The following TMPRSS9 variants were observed in gnomAD, a reference collection of about 807,000 sequenced individuals.
TMPRSS9 encodes transmembrane protease serine 9.
A neutral mutation model predicts 111.4 loss-of-function variants in TMPRSS9; 113 were observed. The observed-to-expected ratio is 1.01, with a 90% CI of 0.87 to 1.19. The LOEUF is 1.19. Among genes scored for constraint, TMPRSS9 ranks in the 50% most tolerant of loss-of-function variants. The pLI, the probability that TMPRSS9 is intolerant of heterozygous loss-of-function variation, is 0.00. For synonymous variants in TMPRSS9, 805 were observed against 659.1 expected (o/e 1.22, Z -3.39); for missense variants, 1,803 against 1,513.1 (o/e 1.19, Z -3.18).
At chr19:2,408,467 C>T (rs1568183384) in exon 8 of TMPRSS9, 1 of 1,613,950 alleles carries the variant, frequency 6.2e-7, no homozygotes. Flanking sequence ...ACCCCCTGTA[C>T]AACGCGGACA....
At chr19:2,425,361 C>A (rs772330216) in exon 17 of TMPRSS9, 10 of 1,513,496 alleles carry the variant, frequency 6.6e-6, no homozygotes, top group South Asian at 1.2e-5. Flanking sequence ...CCGCAGGCTC[C>A]ATGGCGCGGC....
At chr19:2,360,660 G>C (rs956707722) in intron 1 of TMPRSS9, among the ~76,000 whole-genome samples, 2 of 151,670 alleles carry the variant, frequency 1.3e-5, no homozygotes, top group African/African-American at 2.4e-5. Flanking sequence ...ACGCAGGTGC[G>C]GCGTGTAGAT....
chr19:2,381,052 A>G (rs186856461), intron 1 of TMPRSS9, among the ~76,000 whole-genome samples: 1 of 152,148 alleles, frequency 6.6e-6, no homozygotes, highest in Admixed American at 6.6e-5. Flanking sequence ...GTTTTGAGCC[A>G]TTCTTGTAGC....
intron 1 of TMPRSS9, among the ~76,000 whole-genome samples, chr19:2,373,977 A>G (rs967644043): frequency 6.6e-6 from 1 of 152,166 alleles, no homozygotes; most frequent in African/African-American, 2.4e-5. Flanking sequence ...AGTGCTTTAC[A>G]GGGAGATCTG....
At chr19:2,392,881 T>C (rs1390858892) in intron 1 of TMPRSS9, among the ~76,000 whole-genome samples, 1 of 151,484 alleles carries the variant, frequency 6.6e-6, no homozygotes, top group African/African-American at 2.4e-5. Context: ...GGTTTGCAAA[T>C]GCACCAATCG....
intron 13 of TMPRSS9, 116 bp downstream of exon 14, chr19:2,418,254 C>CCTTCCCTCCTTTTCCTTCCCTCCTGTTT (rs1568189058): frequency 9.8e-7 from 1 of 1,024,082 alleles, no homozygotes; most frequent in African/African-American, 2.7e-5. Flanking sequence ...TTCCCCCCCT[C>CCTTCCCTCCTTTTCCTTCCCTCCTGTTT]CTTCCCTCCT....
Position 2,364,001 on chromosome 19 carries a change from G to A in TMPRSS9, c.-26+3641G>A, listed in dbSNP as rs191374324. Reference sequence around the variant, plus strand: ...TAAGCCTATGAGCCCTACACCAACAGGACGCTGTTGGTATAAGCACATCTC... The same window carrying A: ...TAAGCCTATGAGCCCTACACCAACAAGACGCTGTTGGTATAAGCACATCTC... On this transcript the variant is annotated intron_variant, in intron 1 of 17. Transcript: ENST00000649857. 5.9e-5 allele frequency among the ~76,000 whole-genome samples: 9 copies of A among 152,026 alleles called. No homozygotes were observed. The East Asian group carries it at 1.7e-3, about 29-fold the overall frequency.
In TMPRSS9 at chr19:2,413,778, G is replaced by A. The variant is rs374151643; in HGVS notation, c.1333G>A (p.Gly445Arg). 2.2e-5 allele frequency: 35 copies of A among 1,613,762 alleles called. No individual in the cohort carries two copies. The African/African-American group carries it at 2.7e-4, about 12-fold the overall frequency. ...GGCTGGCATCGTGAGCTGGGGAATCGGGTGTGCGGAAGCCCGGCGTCCAGG... is the reference window on the plus strand; with the variant it reads ...GGCTGGCATCGTGAGCTGGGGAATCAGGTGTGCGGAAGCCCGGCGTCCAGG... The change falls in exon 10 of 18, where the codon GGG (glycine) becomes AGG (arginine). Residue 445 changes from glycine to arginine, a missense_variant. Physicochemically the swap from Gly to Arg is moderately radical, Grantham distance 125. Transcript: ENST00000648592.
At chr19:2,401,405 G>T (rs867639956) in intron 4 of TMPRSS9, among the ~76,000 whole-genome samples, 1 of 152,180 alleles carries the variant, frequency 6.6e-6, no homozygotes, top group Non-Finnish European at 1.5e-5. Context: ...GTGATAGGGA[G>T]GTTCCAGGCC....
At chr19:2,369,276 C>T (rs1417227818) in intron 1 of TMPRSS9, among the ~76,000 whole-genome samples, 4 of 152,122 alleles carry the variant, frequency 2.6e-5, no homozygotes, top group African/African-American at 7.2e-5. Flanking sequence ...TTTTTTTGTA[C>T]CTGGGTGAGT....
At chr19:2,377,798 G>A (rs554733886) in intron 1 of TMPRSS9, among the ~76,000 whole-genome samples, 7 of 136,750 alleles carry the variant, frequency 5.1e-5, no homozygotes, top group East Asian at 4.3e-4. Flanking sequence ...CTGCAGCCTC[G>A]ACCTTCCAGG....
intron 1 of TMPRSS9, among the ~76,000 whole-genome samples, chr19:2,384,110 G>A (rs1023554138): frequency 6.6e-6 from 1 of 152,098 alleles, no homozygotes; most frequent in Non-Finnish European, 1.5e-5. Flanking sequence ...GACCCCGCCC[G>A]GGGAAACAGA....
chr19:2,425,037 G>C (rs911034029), exon 16 of TMPRSS9: 1 of 1,552,374 alleles, frequency 6.4e-7, no homozygotes, highest in Non-Finnish European at 8.6e-7. Flanking sequence ...GCCTTCCTAG[G>C]CACGCCGTTC....
intron 12 of TMPRSS9, 85 bp downstream of exon 13, chr19:2,416,894 G>A (rs1318792910): frequency 1.4e-6 from 2 of 1,480,328 alleles, no homozygotes; most frequent in Admixed American, 2.1e-5. Context: ...TCTCTTACCT[G>A]GACCCTAAAC....
chr19:2,398,125 C>G lies in TMPRSS9; in HGVS notation c.271-670C>G, dbSNP rs147325657. On this transcript the variant is annotated intron_variant, in intron 2 of 17. Transcript: ENST00000648592. ...CCTGGCCAACATAGTGAAACCCTGT[C>G]CCTACTAAAAAATACAAAAAATTAG... Among the ~76,000 whole-genome samples, 755 of 142,642 alleles carry G rather than the reference C, an allele frequency of 5.3e-3. 7 individuals are homozygous for G. Among genetic ancestry groups the G allele is most frequent in the African/African-American group, 0.019 (718 of 38,670 alleles). The allele number at this position is 142,642 out of a possible 152,430, so 93.6% of individuals were successfully genotyped here.
At chr19:2,389,627 C>G, upstream of TMPRSS9, 12 of 833,848 alleles carry the variant, frequency 1.4e-5, no homozygotes, top group Non-Finnish European at 1.8e-5. Context: ...CTCAGCCTCC[C>G]AAAGTGCTGG....
chr19:2,385,876 C>G (rs532173476), upstream of TMPRSS9, among the ~76,000 whole-genome samples: 1 of 152,076 alleles, frequency 6.6e-6, no homozygotes, highest in South Asian at 2.1e-4. Flanking sequence ...GATTACGTAT[C>G]TATTCCAGGG....
chr19:2,367,646 T>C (rs1422376480), intron 1 of TMPRSS9, among the ~76,000 whole-genome samples: 1 of 149,588 alleles, frequency 6.7e-6, no homozygotes, highest in East Asian at 2.0e-4. Flanking sequence ...TCACTGCAAG[T>C]TCTGCCTCCC....
intron 1 of TMPRSS9, among the ~76,000 whole-genome samples, chr19:2,362,451 G>A (rs1970208423): frequency 6.6e-6 from 1 of 152,006 alleles, no homozygotes; most frequent in South Asian, 2.1e-4. Context: ...GACCGTGTAT[G>A]GTTGTGTGTT....
Sources: gnomAD v4.1 joint callset for allele counts (sites outside exome capture counted in the v4.1 genomes callset) on GRCh38, gnomAD v4.1.1 for gene constraint, MANE v1.5 for transcripts, NCBI Gene and HGNC (gene_info 2026-07-23, HGNC 2026-07-21) for gene names.